Variants in ALG9 observed in about 807,000 individuals in gnomAD.
ALG9 encodes alpha-1,2-mannosyltransferase ALG9.
A neutral mutation model predicts 81.8 loss-of-function variants in ALG9; 55 were observed. That is an observed-to-expected ratio of 0.67 (90% CI 0.54 to 0.84). The LOEUF (loss-of-function observed/expected upper bound fraction) is 0.84. Among genes scored for constraint, ALG9 ranks in the 40% least tolerant of loss-of-function variants. The pLI is 0.00. For missense variants in ALG9, 629 were observed against 745.0 expected (o/e 0.84, Z 1.81); for synonymous variants, 278 against 274.3 (o/e 1.01, Z -0.13).
intron 4 of ALG9, chr11:111,864,580 G>A (rs1258942184): frequency 1.3e-5 from 7 of 530,704 alleles, no homozygotes; most frequent in Admixed American, 3.3e-5. Context: ...TGTAATATAC[G>A]AACTTCTAGT....
At chr11:111,860,516 C>G (rs201017461) in intron 5 of ALG9, 31 bp downstream of exon 5, 8 of 1,589,798 alleles carry the variant, frequency 5.0e-6, no homozygotes, top group Non-Finnish European at 6.9e-6. Context: ...TGGTGATGAC[C>G]TGCAATTCCC....
rs1376629165 is a variant in ALG9, at chr11:111,782,877, G to A, written c.*3520C>T. The A allele has an allele frequency of 6.6e-6, 1 of 152,044 alleles. No individual in the cohort carries two copies. The highest frequency in any genetic ancestry group is 1.5e-5 in the Non-Finnish European group (1 of 68,008). The allele number at this position is 152,044 out of a possible 1,614,324, so 9.4% of individuals were successfully genotyped here. On this transcript the variant is annotated 3_prime_UTR_variant, in exon 15 of 15. Transcript: ENST00000616540. Reference sequence around the variant, plus strand: ...AGACCCATCATGATTTAAAACAAAGGGTCTATTTCCAAACTTGAATTCGGT... The same window carrying A: ...AGACCCATCATGATTTAAAACAAAGAGTCTATTTCCAAACTTGAATTCGGT...
At chr11:111,802,123 C>T (rs933122332) in intron 14 of ALG9, among the ~76,000 whole-genome samples, 1 of 152,170 alleles carries the variant, frequency 6.6e-6, no homozygotes, top group African/African-American at 2.4e-5. Flanking sequence ...CCCAACTTCC[C>T]TCCTTACCAA....
At chr11:111,868,528 T>A in intron 3 of ALG9, 74 bp downstream of exon 3, 1 of 1,531,946 alleles carries the variant, frequency 6.5e-7, no homozygotes, top group Non-Finnish European at 8.9e-7. Flanking sequence ...ATTCATTTTG[T>A]CCTTTTCTCA....
At chr11:111,793,172 G>C (rs1408287676) in intron 14 of ALG9, among the ~76,000 whole-genome samples, 1 of 151,866 alleles carries the variant, frequency 6.6e-6, no homozygotes, top group African/African-American at 2.4e-5. Flanking sequence ...TGCAGCGACG[G>C]GGTCATACTA....
At chr11:111,780,031 T>C (rs1372930341), downstream of ALG9, among the ~76,000 whole-genome samples, 1 of 152,190 alleles carries the variant, frequency 6.6e-6, no homozygotes, top group Non-Finnish European at 1.5e-5. Context: ...AAATATCCCT[T>C]GCTACTTAAT....
rs1304671433 is a variant in ALG9 at position 111,797,195 on chromosome 11, A to G, written c.1734-10675T>C. On this transcript the variant is annotated intron_variant, in intron 14 of 14. Transcript: ENST00000616540. ...TTTCCCCTTGAGCATGAGCTATTCA[A>G]CTGGCTTGCTGCCAACAAACAGAAT... 3.3e-5 allele frequency among the ~76,000 whole-genome samples: 5 copies of G among 152,230 alleles called. No individual in the cohort carries two copies. In the East Asian group the frequency reaches 7.7e-4, roughly 23 times the overall value.
intron 12 of ALG9, among the ~76,000 whole-genome samples, chr11:111,836,965 C>A (rs1182378932): frequency 6.6e-6 from 1 of 152,178 alleles, no homozygotes; most frequent in African/African-American, 2.4e-5. Context: ...CTACAAAGAA[C>A]TTTAGGGCCT....
chr11:111,805,119 C>T, intron 14 of ALG9: 4 of 360,332 alleles, frequency 1.1e-5, no homozygotes, highest in Non-Finnish European at 2.2e-5. Context: ...TGGAGGTGGG[C>T]CTTTGGAAGG....
intron 13 of ALG9, among the ~76,000 whole-genome samples, chr11:111,826,065 T>TCAATAATAATAA (rs1953205765): frequency 5.7e-5 from 1 of 17,678 alleles, no homozygotes. Flanking sequence ...AAACTCCGTC[T>TCAATAATAATAA]CAATAATAAT....
intron 8 of ALG9, among the ~76,000 whole-genome samples, chr11:111,852,879 T>C (rs1392560096): frequency 1.3e-5 from 2 of 149,594 alleles, no homozygotes; most frequent in African/African-American, 4.9e-5. Flanking sequence ...GAGGTGGAGG[T>C]TGCAGGGAGC....
intron 8 of ALG9, among the ~76,000 whole-genome samples, chr11:111,852,538 G>A (rs1268653571): frequency 1.3e-5 from 2 of 152,078 alleles, no homozygotes; most frequent in African/African-American, 2.4e-5. Context: ...AGCCCCAATC[G>A]CTGTAACTTT....
intron 14 of ALG9, among the ~76,000 whole-genome samples, chr11:111,802,408 G>A (rs1949265432): frequency 6.6e-6 from 1 of 152,140 alleles, no homozygotes. Flanking sequence ...TCAAAAACAG[G>A]CTGAGTGAAA....
intron 10 of ALG9, 122 bp from the exon 11 acceptor site, chr11:111,838,521 C>T: frequency 1.2e-6 from 1 of 823,296 alleles, no homozygotes; most frequent in Non-Finnish European, 1.9e-6. Context: ...AGTGAGGTAC[C>T]TACTCCAAAC....
chr11:111,814,910 T>C (rs1951259203), intron 13 of ALG9, among the ~76,000 whole-genome samples: 1 of 152,224 alleles, frequency 6.6e-6, no homozygotes, highest in African/African-American at 2.4e-5. Flanking sequence ...CATGCCTCTG[T>C]AAGCAAACAG....
chr11:111,816,650 A>C (rs1218841760), intron 13 of ALG9, among the ~76,000 whole-genome samples: 2 of 151,998 alleles, frequency 1.3e-5, no homozygotes, highest in African/African-American at 2.4e-5. Flanking sequence ...TCAACCTCTC[A>C]AGCTCAAGTG....
chr11:111,818,280 T>C (rs1404741703), intron 13 of ALG9, among the ~76,000 whole-genome samples: 1 of 152,236 alleles, frequency 6.6e-6, no homozygotes, highest in African/African-American at 2.4e-5. Context: ...GAAATGTGTC[T>C]TAGATGATTT....
At chr11:111,870,138 G>T in intron 2 of ALG9, 94 bp downstream of exon 2, 2 of 1,306,244 alleles carry the variant, frequency 1.5e-6, no homozygotes, top group Middle Eastern at 2.5e-4. Context: ...ATTTTACTAG[G>T]AGTCACACTT....
At chr11:111,865,471 T>G (rs1566257227) in intron 3 of ALG9, among the ~76,000 whole-genome samples, 1 of 152,246 alleles carries the variant, frequency 6.6e-6, no homozygotes, top group Non-Finnish European at 1.5e-5. Flanking sequence ...GCTCCATTCA[T>G]GAAAATGTTA....
Sources: gnomAD v4.1 joint callset for allele counts (sites outside exome capture counted in the v4.1 genomes callset) on GRCh38, gnomAD v4.1.1 for gene constraint, MANE v1.5 for transcripts, NCBI Gene and HGNC (gene_info 2026-07-23, HGNC 2026-07-21) for gene names.